PDZD2: variants seen among roughly 807,000 people sequenced by gnomAD.
PDZD2 encodes the protein PDZ domain containing 2, also known as PDZ domain-containing protein 2.
PDZD2 carries 90 observed loss-of-function variants against 220.7 expected under a neutral mutation model. The ratio of observed to expected loss-of-function variants is 0.41; its 90% confidence interval spans 0.34 to 0.49. The LOEUF (loss-of-function observed/expected upper bound fraction) is 0.49. Ranked by LOEUF, PDZD2 falls within the 20% of genes least tolerant of loss-of-function variation. PDZD2 has a pLI of 0.28. For missense variants in PDZD2, 3,174 were observed against 3,608.5 expected, an observed-to-expected ratio of 0.88 and a Z score of 3.08; for synonymous variants, 1,375 against 1,450.5, an observed-to-expected ratio of 0.95 and a Z score of 1.18.
At chr5:31,827,121 C>CCA (rs377326938) in intron 2 of PDZD2, among the ~76,000 whole-genome samples, 18 of 152,298 alleles carry the variant, frequency 1.2e-4, no homozygotes, top group African/African-American at 4.1e-4. Context: ...CACTGTCTTG[C>CCA]CACTTCCCCA....
At chr5:31,889,572 G>T (rs762707946) in intron 2 of PDZD2, among the ~76,000 whole-genome samples, 16 of 152,164 alleles carry the variant, frequency 1.1e-4, no homozygotes, top group Non-Finnish European at 2.1e-4. Context: ...AGGTCTGAAA[G>T]GGCCATCTGA....
intron 1 of PDZD2, among the ~76,000 whole-genome samples, chr5:31,755,099 C>A (rs1423433250): frequency 6.6e-6 from 1 of 152,156 alleles, no homozygotes; most frequent in Admixed American, 6.6e-5. Flanking sequence ...CAGCAGCAAC[C>A]CGTGGCCGAC....
chr5:31,847,287 T>C, intron 2 of PDZD2: 1 of 304,138 alleles, frequency 3.3e-6, no homozygotes, highest in Non-Finnish European at 6.4e-6. Context: ...TTTGTTAAAG[T>C]TGTCAGGAAT....
chr5:32,010,389 C>T lies in PDZD2; in HGVS notation c.1314C>T (p.Ser438=). The T allele has an allele frequency of 1.2e-6, 2 of 1,612,480 alleles. No homozygotes were observed. Among genetic ancestry groups the T allele is most frequent in the South Asian group, 1.1e-5 (1 of 91,046 alleles). Residue 438 remains serine (S), a synonymous_variant, in exon 6 of 25, where the codon AGC becomes AGT. Transcript: ENST00000438447. ...LTSKSLPDLT[S]SVEDVSSWTD... ...CTAAGAGCTTGCCAGATCTGACCAG[C>T]TCGGTAGAAGATGTGTCCTCCTGGA...
rs571328961 is a variant in PDZD2 at position 31,650,272 on chromosome 5, G to C, written c.-361+10835G>C. 2.4e-4 allele frequency among the ~76,000 whole-genome samples: 37 copies of C among 152,248 alleles called. No homozygotes were observed. The South Asian group carries it at 7.7e-3, about 32-fold the overall frequency. ...TGTTCCCAGTTATCCTTATTTTTCA[G>C]ATGAGGAAACAGAGGCTTGGAAAGG... On this transcript the variant is annotated intron_variant, in intron 1 of 24. Transcript: ENST00000438447.
intron 2 of PDZD2, among the ~76,000 whole-genome samples, chr5:31,921,813 A>G (rs1475453841): frequency 6.6e-6 from 1 of 152,154 alleles, no homozygotes; most frequent in African/African-American, 2.4e-5. Context: ...TAGAAAATTT[A>G]AGCTTTAGTT....
At chr5:32,009,758 A>C (rs1753136820) in intron 5 of PDZD2, among the ~76,000 whole-genome samples, 1 of 151,928 alleles carries the variant, frequency 6.6e-6, no homozygotes, top group Non-Finnish European at 1.5e-5. Flanking sequence ...TGTTTTATAA[A>C]GGGATCTTAA....
At chr5:31,796,040 T>G (rs1754001963) in intron 1 of PDZD2, among the ~76,000 whole-genome samples, 1 of 152,176 alleles carries the variant, frequency 6.6e-6, no homozygotes, top group South Asian at 2.1e-4. Context: ...GCCCTGTTGC[T>G]ATCCTGTGGC....
intron 1 of PDZD2, among the ~76,000 whole-genome samples, chr5:31,641,547 A>ATTT (rs10627930): frequency 8.3e-5 from 12 of 145,382 alleles, no homozygotes; most frequent in African/African-American, 2.6e-4. Flanking sequence ...TGTGTGAGAT[A>ATTT]TTTTTTTTTT....
chr5:32,077,342 C>T (rs1741391600), intron 18 of PDZD2, 120 bp from the exon 19 acceptor site: 3 of 914,442 alleles, frequency 3.3e-6, no homozygotes, highest in Admixed American at 1.9e-5. Context: ...TCTGCTGGCT[C>T]CTAGTCCAGG....
At chr5:31,771,262 C>G (rs776976958) in intron 1 of PDZD2, among the ~76,000 whole-genome samples, 2 of 152,186 alleles carry the variant, frequency 1.3e-5, no homozygotes, top group African/African-American at 2.4e-5. Context: ...TAGGGGAGAT[C>G]TCAGTCTGTG....
At chr5:31,735,066 T>C (rs554666129) in intron 1 of PDZD2, among the ~76,000 whole-genome samples, 1 of 152,268 alleles carries the variant, frequency 6.6e-6, no homozygotes, top group Admixed American at 6.5e-5. Context: ...TCAGGTCAGT[T>C]GGAACTGCTA....
chr5:31,900,627 A>G (rs1238482031), intron 2 of PDZD2, among the ~76,000 whole-genome samples: 2 of 152,240 alleles, frequency 1.3e-5, no homozygotes, highest in Non-Finnish European at 2.9e-5. Flanking sequence ...CCCTGCCGAG[A>G]GGCAATGAGC....
chr5:31,784,934 T>C (rs1386852059), intron 1 of PDZD2, among the ~76,000 whole-genome samples: 2 of 151,804 alleles, frequency 1.3e-5, no homozygotes, highest in African/African-American at 4.8e-5. Context: ...TCATGACTTT[T>C]CTAATGTTTT....
At chr5:32,056,503 T>C (rs924799230) in intron 10 of PDZD2, among the ~76,000 whole-genome samples, 6 of 152,212 alleles carry the variant, frequency 3.9e-5, no homozygotes, top group African/African-American at 1.4e-4. Context: ...TGAACTGTTA[T>C]TCCAAAAAAG....
chr5:31,763,068 A>T (rs1751750517), intron 1 of PDZD2, among the ~76,000 whole-genome samples: 1 of 152,162 alleles, frequency 6.6e-6, no homozygotes, highest in Non-Finnish European at 1.5e-5. Flanking sequence ...GTTACTAGAA[A>T]TCGGAAATGC....
chr5:31,838,023 G>A (rs189189876), intron 2 of PDZD2, among the ~76,000 whole-genome samples: 1 of 152,302 alleles, frequency 6.6e-6, no homozygotes, highest in East Asian at 1.9e-4. Flanking sequence ...AAAATTCTGT[G>A]AGATCTTCAA....
intron 1 of PDZD2, among the ~76,000 whole-genome samples, chr5:31,659,216 C>A (rs918264703): frequency 6.6e-6 from 1 of 152,116 alleles, no homozygotes; most frequent in Non-Finnish European, 1.5e-5. Context: ...TTTTGCAAAA[C>A]CTTTATTCTC....
At chr5:31,964,347 T>C (rs1748525703) in intron 2 of PDZD2, among the ~76,000 whole-genome samples, 1 of 152,236 alleles carries the variant, frequency 6.6e-6, no homozygotes, top group African/African-American at 2.4e-5. Context: ...TCTCTGAAGT[T>C]ATATGGCTTT....
Sources: allele counts gnomAD v4.1 joint callset (sites outside exome capture counted in the v4.1 genomes callset), GRCh38; gene constraint gnomAD v4.1.1; transcripts MANE v1.5; gene names NCBI Gene and HGNC (gene_info 2026-07-23, HGNC 2026-07-21).